The following ASMTL variants were observed in gnomAD, a reference collection of about 807,000 sequenced individuals.
ASMTL encodes probable bifunctional dTTP/UTP pyrophosphatase/methyltransferase protein.
ASMTL carries 57 observed loss-of-function variants against 60.3 expected under a neutral mutation model. The ratio of observed to expected loss-of-function variants is 0.95; its 90% CI spans 0.76 to 1.18. The LOEUF (loss-of-function observed/expected upper bound fraction) is 1.18. Ranked by LOEUF, ASMTL falls within the 50% of genes most tolerant of loss-of-function variation. The pLI, the probability that ASMTL is intolerant of heterozygous loss-of-function variation, is 0.00. For missense variants in ASMTL, 981 were observed against 852.6 expected (o/e 1.15, Z -1.88); for synonymous variants, 419 against 373.0 (o/e 1.12, Z -1.42).
intron 2 of ASMTL, among the ~76,000 whole-genome samples, chrX:1,439,931 G>C (rs2091066173): frequency 6.6e-6 from 1 of 151,886 alleles, no homozygotes; most frequent in African/African-American, 2.4e-5. Flanking sequence ...TTCAGCCTCA[G>C]AGCAACAGGC....
At chrX:1,417,921 G>C in intron 11 of ASMTL, 52 bp downstream of exon 11, 1 of 1,557,880 alleles carries the variant, frequency 6.4e-7, no homozygotes. Flanking sequence ...TGTCTAGAAA[G>C]AGATGCTGCA....
In ASMTL at chrX:1,432,482, C is replaced by A. The variant is rs1295636444; in HGVS notation, c.401-105G>T. On this transcript the variant is annotated intron_variant, in intron 5 of 12. Transcript: ENST00000381317. ...TGGAGGTGTGTACTCGAGCGCAGCG[C>A]ACAGTTCAGATATGGATGCTTCATG... is the stretch of plus-strand genomic sequence containing the variant. 11 of 812,190 alleles carry A rather than the reference C, an allele frequency of 1.4e-5. No homozygotes were observed. The East Asian group carries it at 2.9e-4, about 21-fold the overall frequency. 50.3% of individuals were successfully genotyped at this position (812,190 alleles called of 1,614,324 possible).
chrX:1,445,935 G>A (rs1215592876), intron 1 of ASMTL, among the ~76,000 whole-genome samples: 35 of 152,066 alleles, frequency 2.3e-4, no homozygotes, highest in Non-Finnish European at 4.1e-4. Flanking sequence ...TCCCTGGGGG[G>A]GTTTAGAGAA....
chrX:1,436,948 C>T (rs1466166623), intron 3 of ASMTL, among the ~76,000 whole-genome samples: 2 of 152,094 alleles, frequency 1.3e-5, no homozygotes, highest in African/African-American at 2.4e-5. Context: ...ACTGGAAGGG[C>T]GAGATCCAGG....
At chrX:1,418,259 T>C in intron 10 of ASMTL, 143 bp from the exon 11 acceptor site, 1 of 905,086 alleles carries the variant, frequency 1.1e-6, no homozygotes, top group Non-Finnish European at 1.6e-6. Context: ...GGTGGGGAGC[T>C]CGCTGGTATC....
At chrX:1,421,157 G>A (rs1297011669) in intron 9 of ASMTL, among the ~76,000 whole-genome samples, 1 of 151,854 alleles carries the variant, frequency 6.6e-6, no homozygotes, top group Non-Finnish European at 1.5e-5. Flanking sequence ...TAGAGATGGG[G>A]TTTCAGCACG....
chrX:1,444,231 G>A (rs1416042597), intron 1 of ASMTL, among the ~76,000 whole-genome samples: 2 of 148,324 alleles, frequency 1.3e-5, no homozygotes, highest in Admixed American at 6.7e-5. Flanking sequence ...TTTTTGAAAC[G>A]GAGTCTCGCT....
chrX:1,411,993 T>G (rs1330583735), intron 12 of ASMTL, among the ~76,000 whole-genome samples: 5 of 151,730 alleles, frequency 3.3e-5, no homozygotes, highest in Admixed American at 6.6e-5. Flanking sequence ...TTGTGTTTGT[T>G]TTTAATAGAG....
At chrX:1,417,539 G>GCA (rs1569532293) in intron 11 of ASMTL, among the ~76,000 whole-genome samples, 1 of 86,898 alleles carries the variant, frequency 1.2e-5, no homozygotes, top group African/African-American at 3.8e-5. Context: ...ACACACACAT[G>GCA]CACACAGACA....
At chrX:1,424,738 ACATC>A (rs1161670192) in intron 8 of ASMTL, among the ~76,000 whole-genome samples, 3 of 133,792 alleles carry the variant, frequency 2.2e-5, no homozygotes, top group Non-Finnish European at 4.9e-5. Flanking sequence ...TTCCATTCAC[ACATC>A]CATCCATCTA....
intron 5 of ASMTL, among the ~76,000 whole-genome samples, chrX:1,434,013 G>C (rs1201767494): frequency 2.6e-5 from 4 of 152,320 alleles, no homozygotes; most frequent in African/African-American, 9.6e-5. Context: ...GGCTGGGATT[G>C]TGCGTGGAGG....
At chrX:1,413,428 C>T (rs1475554466) in intron 11 of ASMTL, among the ~76,000 whole-genome samples, 1 of 152,210 alleles carries the variant, frequency 6.6e-6, no homozygotes, top group South Asian at 2.1e-4. Flanking sequence ...GGGCGTGTGC[C>T]AGGGAGAGTC....
rs2090920723 is a variant in ASMTL, at chrX:1,434,953, G to C, written c.400+69C>G. The C allele has an allele frequency of 2.6e-6, 4 of 1,568,142 alleles. No individual in the cohort carries two copies. In the Admixed American group the frequency reaches 6.7e-5, roughly 26 times the overall value. ...CAACCGTCCTCCTCCCTCAAGCCAAGGGTCCCGAGAATGTCCCGGGTCCTT... is the reference window on the plus strand; with the variant it reads ...CAACCGTCCTCCTCCCTCAAGCCAACGGTCCCGAGAATGTCCCGGGTCCTT... On this transcript the variant is annotated intron_variant, in intron 5 of 12. Coordinates refer to ENST00000381317, the MANE Select transcript of ASMTL (RefSeq NM_004192.4).
intron 6 of ASMTL, among the ~76,000 whole-genome samples, chrX:1,428,520 G>A (rs1290032656): frequency 2.0e-5 from 3 of 151,640 alleles, no homozygotes; most frequent in East Asian, 1.9e-4. Flanking sequence ...GGTGGCACAC[G>A]CCTGTAATCC....
intron 12 of ASMTL, among the ~76,000 whole-genome samples, chrX:1,411,887 A>G (rs1330118537): frequency 2.3e-5 from 3 of 131,152 alleles, no homozygotes; most frequent in African/African-American, 9.0e-5. Flanking sequence ...GTCTCGGCTC[A>G]CTGCAACCTC....
chrX:1,436,559 G>A (rs752536498), intron 3 of ASMTL, among the ~76,000 whole-genome samples: 32 of 152,198 alleles, frequency 2.1e-4, no homozygotes, highest in South Asian at 8.3e-4. Context: ...TCACCATGTT[G>A]GCCAGGATGG....
intron 5 of ASMTL, 85 bp from the exon 6 acceptor site, chrX:1,432,462 G>A: frequency 1.0e-6 from 1 of 970,500 alleles, no homozygotes; most frequent in Non-Finnish European, 1.6e-6. Context: ...TGCTGTGGAG[G>A]TGTGTACTCG....
intron 6 of ASMTL, chrX:1,431,913 C>T (rs1414196742): frequency 1.1e-5 from 3 of 275,778 alleles, no homozygotes; most frequent in African/African-American, 2.2e-5. Context: ...GACTTTGGAT[C>T]ACAGAGTTTA....
chrX:1,445,792 C>T (rs1367128896), intron 1 of ASMTL, among the ~76,000 whole-genome samples: 2 of 152,088 alleles, frequency 1.3e-5, no homozygotes, highest in Non-Finnish European at 2.9e-5. Flanking sequence ...ATAATCCTTG[C>T]TCTAGAATCA....
Sources: allele counts gnomAD v4.1 joint callset (sites outside exome capture counted in the v4.1 genomes callset), GRCh38; gene constraint gnomAD v4.1.1; transcripts MANE v1.5; gene names NCBI Gene and HGNC (gene_info 2026-07-23, HGNC 2026-07-21).